Variants in TCF7L2 observed in about 807,000 individuals in gnomAD.
TCF7L2 encodes transcription factor 7-like 2.
TCF7L2 carries 23 observed loss-of-function variants against 77.9 expected under a neutral mutation model. The observed-to-expected ratio is 0.30, with a 90% confidence interval of 0.21 to 0.42. The LOEUF is 0.42. Ranked by LOEUF, TCF7L2 falls within the 10% of genes least tolerant of loss-of-function variation. TCF7L2 has a pLI of 1.00. For synonymous variants in TCF7L2, 413 were observed against 340.2 expected (o/e 1.21, Z -2.36); for missense variants, 654 against 793.1 (o/e 0.82, Z 2.11).
chr10:113,087,887 C>G (rs930704023), intron 5 of TCF7L2, among the ~76,000 whole-genome samples: 1 of 152,168 alleles, frequency 6.6e-6, no homozygotes, highest in Admixed American at 6.5e-5. Context: ...ACTATGGTAA[C>G]CATGTACACT....
At chr10:113,072,913 C>T (rs7899644) in intron 5 of TCF7L2, among the ~76,000 whole-genome samples, 2,792 of 152,238 alleles carry the variant, frequency 0.018, 87 homozygotes, top group African/African-American at 0.063. Context: ...GAGACCTTTT[C>T]TGCTGTCCAG....
At position 113,088,631 on chromosome 10, in the gene TCF7L2, G is replaced by C. The variant is rs139057606; in HGVS notation, c.552+48505G>C. On this transcript the variant is annotated intron_variant, in intron 5 of 13. Transcript: ENST00000627217. ...TAGTTGCTTTTCTCAAAAGACTGTC[G>C]CCTGGCAGAGGAAAAGGTGTTAAGG... Among the ~76,000 whole-genome samples, 382 of 152,188 alleles carry C rather than the reference G, an allele frequency of 2.5e-3. 4 individuals carry two copies. The highest frequency in any genetic ancestry group is 8.5e-3 in the African/African-American group (353 of 41,514).
chr10:113,085,521 T>G (rs1237961764), intron 5 of TCF7L2, among the ~76,000 whole-genome samples: 1 of 152,220 alleles, frequency 6.6e-6, no homozygotes, highest in African/African-American at 2.4e-5. Flanking sequence ...GCTTACTAGG[T>G]GCTATTCGAT....
chr10:113,033,315 G>A (rs975322345), intron 4 of TCF7L2, among the ~76,000 whole-genome samples: 1 of 151,828 alleles, frequency 6.6e-6, no homozygotes, highest in Non-Finnish European at 1.5e-5. Context: ...CTGGAGTGCA[G>A]TGGCACCTTC....
intron 11 of TCF7L2, among the ~76,000 whole-genome samples, chr10:113,153,489 GCAT>G (rs765078529): frequency 3.3e-5 from 5 of 152,194 alleles, no homozygotes; most frequent in Non-Finnish European, 7.3e-5. Context: ...TCTCCCACTG[GCAT>G]CATCCGCGGT....
At chr10:113,102,199 G>T (rs2061741798) in intron 5 of TCF7L2, among the ~76,000 whole-genome samples, 1 of 150,556 alleles carries the variant, frequency 6.6e-6, no homozygotes, top group Admixed American at 6.6e-5. Context: ...TAATGGGATG[G>T]TTAGGAGCGT....
intron 4 of TCF7L2, among the ~76,000 whole-genome samples, chr10:112,990,221 G>T (rs2042280596): frequency 6.6e-6 from 1 of 152,084 alleles, no homozygotes; most frequent in African/African-American, 2.4e-5. Context: ...AAGTTTCCAG[G>T]GTATCTCAGC....
chr10:112,992,231 A>G (rs2042683251), intron 4 of TCF7L2, among the ~76,000 whole-genome samples: 1 of 152,200 alleles, frequency 6.6e-6, no homozygotes, highest in South Asian at 2.1e-4. Flanking sequence ...TGCCAAGCGC[A>G]GAGAAAGCTC....
rs188645737 is a variant in TCF7L2, at chr10:113,137,151, A to G, written c.553-4033A>G. Among the ~76,000 whole-genome samples, 6 of 152,266 alleles carry G rather than the reference A, an allele frequency of 3.9e-5. No individual in the cohort carries two copies. In the East Asian group the frequency reaches 7.8e-4, roughly 20 times the overall value. On this transcript the variant is annotated intron_variant, in intron 5 of 13. Coordinates refer to ENST00000627217, the MANE Select transcript of TCF7L2 (RefSeq NM_001146274.2). ...TAAATACCGCATTTTGAAGAAGGGT[A>G]TGTGCCTGAGGAGAGTGCCACTAAT...
intron 11 of TCF7L2, among the ~76,000 whole-genome samples, chr10:113,155,146 C>T (rs1375388782): frequency 1.3e-5 from 2 of 152,134 alleles, no homozygotes; most frequent in African/African-American, 4.8e-5. Flanking sequence ...GCCTTTATAT[C>T]TTTACCTTAG....
chr10:113,026,419 A>G (rs1177526927), intron 4 of TCF7L2, among the ~76,000 whole-genome samples: 2 of 148,604 alleles, frequency 1.3e-5, no homozygotes, highest in Non-Finnish European at 3.0e-5. Flanking sequence ...TCGGCCTCCC[A>G]AAGTGCTGGG....
chr10:112,999,624 G>A (rs150801888), intron 4 of TCF7L2, among the ~76,000 whole-genome samples: 4 of 152,150 alleles, frequency 2.6e-5, no homozygotes, highest in Non-Finnish European at 5.9e-5. Flanking sequence ...AATGGAATAC[G>A]CTGAAATTTC....
intron 5 of TCF7L2, among the ~76,000 whole-genome samples, chr10:113,132,440 G>A (rs1262767354): frequency 6.6e-6 from 1 of 152,212 alleles, no homozygotes; most frequent in Non-Finnish European, 1.5e-5. Flanking sequence ...TCCCCAGGAT[G>A]TAATAACCAT....
chr10:113,058,065 G>A (rs2055704510), intron 5 of TCF7L2, among the ~76,000 whole-genome samples: 1 of 152,174 alleles, frequency 6.6e-6, no homozygotes, highest in African/African-American at 2.4e-5. Context: ...TTAATGTCTT[G>A]CGTGTGCCCT....
intron 4 of TCF7L2, among the ~76,000 whole-genome samples, chr10:112,974,417 A>G (rs1038238495): frequency 6.6e-6 from 1 of 152,108 alleles, no homozygotes; most frequent in Non-Finnish European, 1.5e-5. Context: ...GGTCTGACCT[A>G]TGGCAGTCAG....
intron 4 of TCF7L2, among the ~76,000 whole-genome samples, chr10:113,019,293 T>C (rs2047891738): frequency 6.6e-6 from 1 of 152,176 alleles, no homozygotes; most frequent in Non-Finnish European, 1.5e-5. Flanking sequence ...GGGTTAACAG[T>C]CGCTCCTGCT....
chr10:113,065,191 A>G (rs2057086064), intron 5 of TCF7L2, among the ~76,000 whole-genome samples: 1 of 152,238 alleles, frequency 6.6e-6, no homozygotes, highest in Admixed American at 6.5e-5. Context: ...CAAGGTGTTT[A>G]GTGTGGCCTA....
At chr10:112,955,111 C>T (rs191261879) in intron 3 of TCF7L2, among the ~76,000 whole-genome samples, 25 of 152,062 alleles carry the variant, frequency 1.6e-4, no homozygotes, top group Admixed American at 1.4e-3. Context: ...CCCACCTCAC[C>T]CCTGATTGTT....
rs374095459 is a variant in TCF7L2 at position 112,961,908 on chromosome 10, TGTGA to T, written c.382-2646_382-2643del. On this transcript the variant is annotated intron_variant, in intron 3 of 13. Coordinates refer to ENST00000627217, the MANE Select transcript of TCF7L2 (RefSeq NM_001146274.2). The stretch of plus-strand genomic sequence containing the variant: ...GTGTGCGTGTATGTGTGTGTGTGTG[TGTGA>T]GAGAGAGAGAGAGAAGGTAAAATTA... Among the ~76,000 whole-genome samples, 467 of 151,422 alleles carry T rather than the reference TGTGA, an allele frequency of 3.1e-3. 2 individuals are homozygous for T. The highest frequency in any genetic ancestry group is 9.9e-3 in the African/African-American group (404 of 40,886).
Sources: gnomAD v4.1 joint callset for allele counts (sites outside exome capture counted in the v4.1 genomes callset) on GRCh38, gnomAD v4.1.1 for gene constraint, MANE v1.5 for transcripts, NCBI Gene and HGNC (gene_info 2026-07-23, HGNC 2026-07-21) for gene names.